The following CYTH1 variants were observed in gnomAD, a reference collection of about 807,000 sequenced individuals.
CYTH1 encodes the protein cytohesin-1.
Under a neutral mutation model 61.8 loss-of-function variants are expected in CYTH1, and 18 were observed. The observed-to-expected ratio is 0.29, with a 90% CI of 0.20 to 0.43. The LOEUF (loss-of-function observed/expected upper bound fraction) is 0.43. CYTH1 is among the 20% of genes least tolerant of loss of function. The pLI is 1.00. For synonymous variants in CYTH1, 174 were observed against 184.3 expected (o/e 0.94, Z 0.45); for missense variants, 336 against 510.5 (o/e 0.66, Z 3.29).
At chr17:78,747,717 T>C (rs2144661274) in intron 1 of CYTH1, among the ~76,000 whole-genome samples, 1 of 152,350 alleles carries the variant, frequency 6.6e-6, no homozygotes, top group East Asian at 1.9e-4. Context: ...GCAGCATGTG[T>C]CAGAACTTCA....
chr17:78,726,332 G>A (rs1237155724), intron 1 of CYTH1, among the ~76,000 whole-genome samples: 1 of 152,008 alleles, frequency 6.6e-6, no homozygotes, highest in Non-Finnish European at 1.5e-5. Flanking sequence ...GTGAGCCACC[G>A]CGCCCGGCCT....
At chr17:78,702,361 G>C (rs2093019970) in intron 4 of CYTH1, 121 bp from the exon 5 acceptor site, 1 of 1,013,022 alleles carries the variant, frequency 9.9e-7, no homozygotes, top group East Asian at 2.4e-5. Context: ...TACTTGCTAA[G>C]TGACCTATAA....
chr17:78,764,820 A>G (rs1056723125), intron 1 of CYTH1, among the ~76,000 whole-genome samples: 3 of 152,096 alleles, frequency 2.0e-5, no homozygotes, highest in Non-Finnish European at 4.4e-5. Context: ...CACATGGGAT[A>G]GGGGAGAGTA....
chr17:78,715,375 AC>A (rs2093172194), intron 1 of CYTH1, among the ~76,000 whole-genome samples: 1 of 152,140 alleles, frequency 6.6e-6, no homozygotes, highest in Admixed American at 6.5e-5. Context: ...TCTTCTGTGC[AC>A]CCCTTCTGAA....
At chr17:78,724,316 T>C (rs2093253524) in intron 1 of CYTH1, among the ~76,000 whole-genome samples, 1 of 152,218 alleles carries the variant, frequency 6.6e-6, no homozygotes, top group Non-Finnish European at 1.5e-5. Flanking sequence ...AATACAGGGT[T>C]ACTGCAGACC....
At position 78,760,384 on chromosome 17, in the gene CYTH1, T is replaced by TACATAC. The variant is rs1555615253; in HGVS notation, c.22+21817_22+21818insGTATGT. ...ATATATATATATATATATATATATATACACACACATACATATATATATGTG... is the reference window on the plus strand; with the variant it reads ...ATATATATATATATATATATATATATACATACACACACACATACATATATATATGTG... On this transcript the variant is annotated intron_variant, in intron 1 of 13. Transcript: ENST00000446868. 3.1e-4 allele frequency among the ~76,000 whole-genome samples: 16 copies of TACATAC among 51,400 alleles called. 2 individuals carry two copies. Among genetic ancestry groups the TACATAC allele is most frequent in the African/African-American group, 1.3e-3 (16 of 12,602 alleles). The allele number at this position is 51,400 out of a possible 152,430, so 33.7% of individuals were successfully genotyped here.
At chr17:78,760,432 C>CAT (rs1284170425) in intron 1 of CYTH1, among the ~76,000 whole-genome samples, 3 of 41,144 alleles carry the variant, frequency 7.3e-5, no homozygotes, top group South Asian at 7.5e-4. Flanking sequence ...TATACACATA[C>CAT]ATATATATAT....
At chr17:78,721,978 C>G (rs1567859584) in intron 1 of CYTH1, among the ~76,000 whole-genome samples, 2 of 151,982 alleles carry the variant, frequency 1.3e-5, no homozygotes, top group Non-Finnish European at 2.9e-5. Flanking sequence ...ACCTGGGAGG[C>G]GGAGGGTGCA....
chr17:78,720,748 A>C (rs750720353), intron 1 of CYTH1, among the ~76,000 whole-genome samples: 6 of 152,190 alleles, frequency 3.9e-5, no homozygotes, highest in Non-Finnish European at 8.8e-5. Context: ...GGTGGCACGC[A>C]CTTGTAGTCC....
At chr17:78,687,619 T>TA (rs2092830164) in intron 11 of CYTH1, among the ~76,000 whole-genome samples, 1 of 152,208 alleles carries the variant, frequency 6.6e-6, no homozygotes, top group Non-Finnish European at 1.5e-5. Flanking sequence ...AAGAAGGCCC[T>TA]GGCTCCGTCT....
intron 10 of CYTH1, 53 bp from the exon 11 acceptor site, chr17:78,692,546 G>A: frequency 6.4e-7 from 1 of 1,563,190 alleles, no homozygotes; most frequent in Non-Finnish European, 8.8e-7. Context: ...GACAAGTGCA[G>A]GCTCCACGAC....
chr17:78,762,625 C>G (rs2093433375), intron 1 of CYTH1, among the ~76,000 whole-genome samples: 1 of 152,184 alleles, frequency 6.6e-6, no homozygotes, highest in Non-Finnish European at 1.5e-5. Flanking sequence ...ATTACATCTC[C>G]TAATCAGCCA....
At chr17:78,726,042 CTTTTT>C (rs1159169142) in intron 1 of CYTH1, among the ~76,000 whole-genome samples, 1 of 130,750 alleles carries the variant, frequency 7.6e-6, no homozygotes. Flanking sequence ...ATTCAACAGT[CTTTTT>C]TTTTTTTTTT....
At chr17:78,707,152 G>C (rs1360821974) in intron 3 of CYTH1, among the ~76,000 whole-genome samples, 1 of 152,188 alleles carries the variant, frequency 6.6e-6, no homozygotes. Context: ...GCCGTGGTGA[G>C]CTGGCTGCCT....
intron 1 of CYTH1, among the ~76,000 whole-genome samples, chr17:78,747,561 C>G (rs1050850419): frequency 6.6e-6 from 1 of 152,102 alleles, no homozygotes; most frequent in Non-Finnish European, 1.5e-5. Context: ...AAACCCCATA[C>G]CCCATAGGAG....
At position 78,700,407 on chromosome 17, in the gene CYTH1, G is replaced by A. The variant is rs1167755450; in HGVS notation, c.474C>T (p.Ala158=). ...CCTCCATCATCCGGTCGATCTTCTG[G>A]GCCTCTCCGGGTAGCCGGAAGCTCC... ...FLWSFRLPGE[A]QKIDRMMEAF... The change falls in exon 7 of 14, where the codon GCC becomes GCT. Residue 158 remains alanine (A), a synonymous_variant. Transcript: ENST00000446868. This position sits in a 1 kb window ranked among gnomAD's most constrained non-coding sequence, Gnocchi z 5.1. 1 of 1,613,522 alleles carries A rather than the reference G, an allele frequency of 6.2e-7. No individual in the cohort carries two copies. The highest frequency in any genetic ancestry group is 1.1e-5 in the South Asian group (1 of 90,890).
At chr17:78,694,811 G>T (rs1446317849) in intron 10 of CYTH1, among the ~76,000 whole-genome samples, 3 of 152,182 alleles carry the variant, frequency 2.0e-5, no homozygotes, top group African/African-American at 7.2e-5. Flanking sequence ...CAAAAGCTTG[G>T]TTATTATGCC....
intron 1 of CYTH1, among the ~76,000 whole-genome samples, chr17:78,770,143 C>T (rs1328884255): frequency 4.0e-5 from 6 of 148,686 alleles, no homozygotes; most frequent in Admixed American, 6.7e-5. Flanking sequence ...AGCAAGACTT[C>T]GTCTCAAAAA....
chr17:78,733,616 T>C (rs998306963), intron 1 of CYTH1, among the ~76,000 whole-genome samples: 10 of 152,240 alleles, frequency 6.6e-5, no homozygotes, highest in African/African-American at 2.4e-4. Flanking sequence ...TGTAAGCCCG[T>C]AGCAGCAGCA....
Sources: allele counts gnomAD v4.1 joint callset (sites outside exome capture counted in the v4.1 genomes callset), GRCh38; gene constraint gnomAD v4.1.1; non-coding constraint Gnocchi (gnomAD v3.1); transcripts MANE v1.5; gene names NCBI Gene and HGNC (gene_info 2026-07-23, HGNC 2026-07-21).